The following CFL2 variants were observed in gnomAD, a reference collection of about 807,000 sequenced individuals.
CFL2 encodes cofilin 2.
A neutral mutation model predicts 19.6 loss-of-function variants in CFL2; 10 were observed. That is an observed-to-expected ratio of 0.51 (90% CI 0.31 to 0.86). The LOEUF is 0.86. Among genes scored for constraint, CFL2 ranks in the 40% least tolerant of loss-of-function variants. CFL2 has a pLI of 0.04. For missense variants in CFL2, 125 were observed against 192.1 expected, an observed-to-expected ratio of 0.65 and a Z score of 2.06; for synonymous variants, 63 against 66.7, an observed-to-expected ratio of 0.95 and a Z score of 0.27.
In CFL2 at chr14:34,714,519, G is replaced by A; in HGVS notation, c.3+19C>T. ...TTTCTCGCCTCGCCGCGGCCTCCCG[G>A]CCAGCGCGCTCGTCTTACCATAGTG... On this transcript the variant is annotated intron_variant, in intron 1 of 3. Transcript: ENST00000298159. The A allele has an allele frequency of 1.9e-6, 3 of 1,578,892 alleles. 1 individual carries two copies. Among genetic ancestry groups the A allele is most frequent in the East Asian group, 4.7e-5 (2 of 42,164 alleles).
intron 1 of CFL2, 50 bp downstream of exon 1, chr14:34,714,488 G>C: frequency 6.5e-7 from 1 of 1,548,066 alleles, no homozygotes; most frequent in Non-Finnish European, 8.7e-7. Flanking sequence ...GGCCGTGCGG[G>C]GGGCTTTTCT....
In CFL2 at chr14:34,712,865, T is replaced by G. The variant is rs1402504047; in HGVS notation, c.501A>C (p.Ter167TyrextTer10). The G allele has an allele frequency of 6.7e-7, 1 of 1,486,716 alleles. No individual in the cohort carries two copies. The highest frequency in any genetic ancestry group is 9.4e-7 in the Non-Finnish European group (1 of 1,064,160). The allele number at this position is 1,486,716 out of a possible 1,614,324, so 92.1% of individuals were successfully genotyped here. ...VVVSLEGKPL[*>Y] ...ATCCAGATGGCACTTGACTGTCATT[T>G]TATAATGGTTTTCCTTCAAGTGAAA... Residue 167 changes from the stop codon to tyrosine (Y), a stop_lost, in exon 4 of 4, where the codon TAA (stop) becomes TAC (tyrosine). Transcript: ENST00000298159.
At position 34,709,144 on chromosome 14, in the gene CFL2, T is replaced by C. The variant is rs1485162991; in HGVS notation, c.*3721A>G. 4 of 152,230 alleles carry C rather than the reference T, an allele frequency of 2.6e-5. No individual in the cohort carries two copies. The East Asian group carries it at 5.8e-4, about 22-fold the overall frequency. The allele number at this position is 152,230 out of a possible 1,614,324, so 9.4% of individuals were successfully genotyped here. A position where few individuals can be genotyped will look rare whatever the true frequency, so the allele number is the denominator to read the frequency against. On this transcript the variant is annotated 3_prime_UTR_variant, in exon 4 of 4. Coordinates refer to ENST00000298159, the MANE Select transcript of CFL2 (RefSeq NM_138638.5). The stretch of plus-strand genomic sequence containing the variant: ...TTTTAACAAAAACATTTAATATTTA[T>C]CTACTTACATACAGTAATTAAGAAT...
chr14:34,713,714 CAGT>C (rs1566525676), intron 1 of CFL2, 153 bp from the exon 2 acceptor site: 2 of 1,612,422 alleles, frequency 1.2e-6, no homozygotes, highest in Non-Finnish European at 1.7e-6. Context: ...TTTTAAGAAT[CAGT>C]AGACGATACA....
Position 34,712,596 on chromosome 14 carries a change from C to T in CFL2, c.*269G>A, listed in dbSNP as rs1417675417. On this transcript the variant is annotated 3_prime_UTR_variant, in exon 4 of 4. Coordinates refer to ENST00000298159, the MANE Select transcript of CFL2 (RefSeq NM_138638.5). Reference sequence around the variant, plus strand: ...ACGATCACATACATTGTAGTGCTTGCTGCAAGGGAGGCATATAACCAGTTG... The same window carrying T: ...ACGATCACATACATTGTAGTGCTTGTTGCAAGGGAGGCATATAACCAGTTG... 1 of 583,996 alleles carries T rather than the reference C, an allele frequency of 1.7e-6. No homozygotes were observed. The highest frequency in any genetic ancestry group is 3.2e-6 in the Non-Finnish European group (1 of 312,040). 36.2% of individuals were successfully genotyped at this position (583,996 alleles called of 1,614,324 possible).
Position 34,713,110 on chromosome 14 carries a change from C to T in CFL2, c.338G>A (p.Ser113Asn). The T allele has an allele frequency of 6.3e-7, 1 of 1,579,810 alleles. No individual in the cohort carries two copies. Among genetic ancestry groups the T allele is most frequent in the South Asian group, 1.1e-5 (1 of 87,264 alleles). ...FWAPESAPLK[S>N]KMIYASSKDA... is the part of the protein sequence containing the mutation. ...TTTAGAGCTAGCATAAATCATCTTG[C>T]TTTTTAAAGGTGCACTTTCAGGAGC... The change falls in exon 3 of 4, where the codon AGC becomes AAC. Residue 113 changes from serine (S) to asparagine (N), a missense_variant. Transcript: ENST00000298159.
At chr14:34,714,450 C>T in intron 1 of CFL2, 88 bp downstream of exon 1, 1 of 1,490,498 alleles carries the variant, frequency 6.7e-7, no homozygotes. Flanking sequence ...AGGCCAAAAT[C>T]AGGTTAAAAT....
chr14:34,710,354 AATAAAG>A lies in CFL2; in HGVS notation c.*2505_*2510del, dbSNP rs146478080. 185 of 236,828 alleles carry A rather than the reference AATAAAG, an allele frequency of 7.8e-4. 1 individual carries two copies. The highest frequency in any genetic ancestry group is 3.9e-3 in the African/African-American group (167 of 42,714). 14.7% of individuals were successfully genotyped at this position (236,828 alleles called of 1,614,324 possible). A position where few individuals can be genotyped will look rare whatever the true frequency, so the allele number is the denominator to read the frequency against. ...TACCAACTAAAATCCTGAAAAACAG[AATAAAG>A]ATAATGATGCCTCTTTGATCTGAAA... On this transcript the variant is annotated 3_prime_UTR_variant, in exon 4 of 4. Coordinates refer to ENST00000298159, the MANE Select transcript of CFL2 (RefSeq NM_138638.5).
chr14:34,711,366 T>C lies in CFL2; in HGVS notation c.*1499A>G, dbSNP rs947214379. 7 of 454,428 alleles carry C rather than the reference T, an allele frequency of 1.5e-5. No homozygotes were observed. Among genetic ancestry groups the C allele is most frequent in the Non-Finnish European group, 2.2e-5 (5 of 226,796 alleles). The allele number at this position is 454,428 out of a possible 1,614,324, so 28.1% of individuals were successfully genotyped here. A position where few individuals can be genotyped will look rare whatever the true frequency, so the allele number is the denominator to read the frequency against. On this transcript the variant is annotated 3_prime_UTR_variant, in exon 4 of 4. Transcript: ENST00000298159. ...TACAAAAGCATGTGTTTGCCATAAA[T>C]AGCCCTGGCTAACAGCAAACCGCTC... is the stretch of plus-strand genomic sequence containing the variant.
chr14:34,712,525 C>T lies in CFL2; in HGVS notation c.*340G>A. 4.2e-6 allele frequency: 2 copies of T among 473,906 alleles called. No individual in the cohort carries two copies. Among genetic ancestry groups the T allele is most frequent in the Non-Finnish European group, 4.2e-6 (1 of 240,196 alleles). 29.4% of individuals were successfully genotyped at this position (473,906 alleles called of 1,614,324 possible). ...TGACCAGTGGATAATACTTTCAAGG[C>T]ATTCAATTAGCTTATCCTTTGCAGT... On this transcript the variant is annotated 3_prime_UTR_variant, in exon 4 of 4. Transcript: ENST00000298159.
chr14:34,712,101 T>C lies in CFL2; in HGVS notation c.*764A>G, dbSNP rs1239208479. On this transcript the variant is annotated 3_prime_UTR_variant, in exon 4 of 4. Coordinates refer to ENST00000298159, the MANE Select transcript of CFL2 (RefSeq NM_138638.5). ...AACAATGTTCCATTTAAGGCTCTTTTATACAGAAATTGCCATCATGACTGA... is the reference window on the plus strand; with the variant it reads ...AACAATGTTCCATTTAAGGCTCTTTCATACAGAAATTGCCATCATGACTGA... 4.4e-6 allele frequency: 2 copies of C among 454,552 alleles called. No individual in the cohort carries two copies. Among genetic ancestry groups the C allele is most frequent in the Admixed American group, 2.3e-5 (1 of 42,568 alleles). 28.2% of individuals were successfully genotyped at this position (454,552 alleles called of 1,614,324 possible).
At chr14:34,713,825 G>A (rs1885403967) in intron 1 of CFL2, 2 of 1,565,384 alleles carry the variant, frequency 1.3e-6, no homozygotes, top group Non-Finnish European at 1.7e-6. Flanking sequence ...TCCCTGAAAT[G>A]TTTCCTATTT....
At chr14:34,713,916 A>T (rs1885406615) in intron 1 of CFL2, 1 of 1,124,874 alleles carries the variant, frequency 8.9e-7, no homozygotes, top group African/African-American at 1.6e-5. Flanking sequence ...TTAAAAAAAC[A>T]CTTTTGGATT....
Position 34,713,142 on chromosome 14 carries a change from GAAAA to G in CFL2, c.312-10_312-7del. ...AAGGTGCACTTTCAGGAGCCCTACA[GAAAA>G]AAAAAAAATTATTGAATCCCATTTA... On this transcript the variant is annotated splice_region_variant and splice_polypyrimidine_tract_variant and intron_variant, in intron 2 of 3. Coordinates refer to ENST00000298159, the MANE Select transcript of CFL2 (RefSeq NM_138638.5). 2 of 1,398,050 alleles carry G rather than the reference GAAAA, an allele frequency of 1.4e-6. No individual in the cohort carries two copies. Among genetic ancestry groups the G allele is most frequent in the Non-Finnish European group, 1.9e-6 (2 of 1,027,280 alleles). The allele number at this position is 1,398,050 out of a possible 1,614,324, so 86.6% of individuals were successfully genotyped here.
intron 1 of CFL2, 169 bp downstream of exon 1, chr14:34,714,369 G>A (rs908575127): frequency 2.6e-6 from 3 of 1,152,408 alleles, no homozygotes; most frequent in African/African-American, 1.6e-5. Context: ...GCAGGGCAGG[G>A]CCTGACGGCC....
chr14:34,711,920 C>T lies in CFL2; in HGVS notation c.*945G>A, dbSNP rs1413772701. 2.2e-6 allele frequency: 1 copy of T among 454,072 alleles called. No individual in the cohort carries two copies. Among genetic ancestry groups the T allele is most frequent in the Non-Finnish European group, 4.4e-6 (1 of 226,710 alleles). The allele number at this position is 454,072 out of a possible 1,614,324, so 28.1% of individuals were successfully genotyped here. On this transcript the variant is annotated 3_prime_UTR_variant, in exon 4 of 4. Coordinates refer to ENST00000298159, the MANE Select transcript of CFL2 (RefSeq NM_138638.5). ...CTGTACAAAAAAAATTCTCAAATGACCAGTGCAGAGATTAGTAATAGCTGT... is the reference window on the plus strand; with the variant it reads ...CTGTACAAAAAAAATTCTCAAATGATCAGTGCAGAGATTAGTAATAGCTGT...
rs1266728826 is a variant in CFL2, at chr14:34,712,720, AATG to A, written c.*142_*144del. On this transcript the variant is annotated 3_prime_UTR_variant, in exon 4 of 4. Transcript: ENST00000298159. Reference sequence around the variant, plus strand: ...CAATCACTGATAGGCTGCTTAAATAAATGATATTTCCTTCATTCATTGTGTTGG... The same window carrying A: ...CAATCACTGATAGGCTGCTTAAATAAATATTTCCTTCATTCATTGTGTTGG... The A allele has an allele frequency of 1.4e-6, 1 of 710,908 alleles. No individual in the cohort carries two copies. The allele number at this position is 710,908 out of a possible 1,614,324, so 44.0% of individuals were successfully genotyped here. A position where few individuals can be genotyped will look rare whatever the true frequency, so the allele number is the denominator to read the frequency against.
Position 34,713,012 on chromosome 14 carries a change from ATAAT to A in CFL2, c.389-39_389-36del, listed in dbSNP as rs532379436. On this transcript the variant is annotated intron_variant, in intron 3 of 3. Coordinates refer to ENST00000298159, the MANE Select transcript of CFL2 (RefSeq NM_138638.5). ...AAAAACATTATCCTATTACTTTATT[ATAAT>A]TAATAAAGAATAATTTCTCTGCCCC... is the stretch of plus-strand genomic sequence containing the variant. The A allele has an allele frequency of 3.1e-5, 48 of 1,544,856 alleles. No individual in the cohort carries two copies. In the African/African-American group the frequency reaches 5.4e-4, roughly 17 times the overall value.
chr14:34,710,798 G>A lies in CFL2; in HGVS notation c.*2067C>T, dbSNP rs1885259275. Reference sequence around the variant, plus strand: ...TACTAGAGGCATACAAGAAAGTTAAGGAATCAGCTACAAAAACAAAAGATA... The same window carrying A: ...TACTAGAGGCATACAAGAAAGTTAAAGAATCAGCTACAAAAACAAAAGATA... On this transcript the variant is annotated 3_prime_UTR_variant, in exon 4 of 4. Coordinates refer to ENST00000298159, the MANE Select transcript of CFL2 (RefSeq NM_138638.5). 1 of 452,448 alleles carries A rather than the reference G, an allele frequency of 2.2e-6. No homozygotes were observed. Among genetic ancestry groups the A allele is most frequent in the Non-Finnish European group, 4.4e-6 (1 of 226,316 alleles). 28.0% of individuals were successfully genotyped at this position (452,448 alleles called of 1,614,324 possible).
Sources: allele counts gnomAD v4.1 joint callset, GRCh38; gene constraint gnomAD v4.1.1; transcripts MANE v1.5; gene names NCBI Gene and HGNC (gene_info 2026-07-23, HGNC 2026-07-21).